CDH18: variants seen among roughly 807,000 people sequenced by gnomAD.
CDH18 encodes the protein cadherin 18.
Under a neutral mutation model 67.9 loss-of-function variants are expected in CDH18, and 31 were observed. The observed-to-expected ratio is 0.46, with a 90% CI of 0.34 to 0.62. CDH18 has a LOEUF of 0.62. CDH18 is among the 20% of genes least tolerant of loss of function. The pLI, the probability that CDH18 is intolerant of heterozygous loss-of-function variation, is 0.01. For synonymous variants in CDH18, 362 were observed against 347.2 expected (o/e 1.04, Z -0.48); for missense variants, 890 against 975.5 (o/e 0.91, Z 1.17).
intron 6 of CDH18, among the ~76,000 whole-genome samples, chr5:19,599,582 T>G (rs1030934342): frequency 1.3e-5 from 2 of 152,084 alleles, no homozygotes; most frequent in African/African-American, 4.8e-5. Context: ...TTCATCTGAT[T>G]TGTGTAGCAG....
intron 1 of CDH18, among the ~76,000 whole-genome samples, chr5:20,334,566 A>G (rs1474768028): frequency 1.3e-5 from 2 of 152,168 alleles, no homozygotes; most frequent in Non-Finnish European, 2.9e-5. Context: ...AGGGAACGAC[A>G]TGAGTCCCAG....
At chr5:20,275,394 A>G (rs921882012) in intron 1 of CDH18, among the ~76,000 whole-genome samples, 5 of 152,028 alleles carry the variant, frequency 3.3e-5, no homozygotes, top group African/African-American at 1.2e-4. Flanking sequence ...CATGACTGTA[A>G]GTTTTCTGAG....
intron 1 of CDH18, among the ~76,000 whole-genome samples, chr5:20,316,049 A>G (rs892994254): frequency 3.9e-5 from 6 of 152,164 alleles, no homozygotes; most frequent in African/African-American, 1.2e-4. Flanking sequence ...AGAAGACAGC[A>G]TTAATCCTGA....
chr5:20,375,559 A>G (rs1231477218), intron 1 of CDH18, among the ~76,000 whole-genome samples: 1 of 152,228 alleles, frequency 6.6e-6, no homozygotes, highest in Non-Finnish European at 1.5e-5. Flanking sequence ...ACATATGTGC[A>G]TAAATATTCT....
At chr5:20,411,566 A>G (rs996493393) in intron 1 of CDH18, among the ~76,000 whole-genome samples, 16 of 152,074 alleles carry the variant, frequency 1.1e-4, no homozygotes, top group Admixed American at 2.0e-4. Flanking sequence ...CATAACACAT[A>G]ACAAAGGTAT....
At position 19,804,024 on chromosome 5, in the gene CDH18, G is replaced by A. The variant is rs372544085; in HGVS notation, c.228+34735C>T. 7.2e-4 allele frequency: 110 copies of A among 152,442 alleles called. No homozygotes were observed. In the East Asian group the frequency reaches 0.02, roughly 28 times the overall value. 9.4% of individuals were successfully genotyped at this position (152,442 alleles called of 1,614,324 possible). On this transcript the variant is annotated intron_variant, in intron 3 of 12. Transcript: ENST00000382275. ...TAGTCCCAGCTACTCCGGAGGCTGA[G>A]GCAGGAGAATGGCGGGAATCCGGGA...
chr5:20,396,420 T>C (rs1235981513), intron 1 of CDH18, among the ~76,000 whole-genome samples: 1 of 126,246 alleles, frequency 7.9e-6, no homozygotes, highest in Admixed American at 7.9e-5. Flanking sequence ...AAAAAAAAAA[T>C]CACTTTCCAC....
At chr5:19,665,996 A>G (rs561931471) in intron 5 of CDH18, among the ~76,000 whole-genome samples, 1 of 152,112 alleles carries the variant, frequency 6.6e-6, no homozygotes, top group East Asian at 1.9e-4. Flanking sequence ...GAGAAAAGTT[A>G]AGTAGAATGT....
intron 4 of CDH18, among the ~76,000 whole-genome samples, chr5:19,741,895 A>G (rs75148742): frequency 9.3e-4 from 142 of 152,274 alleles, no homozygotes; most frequent in East Asian, 2.9e-3. Flanking sequence ...GCTACTAAAC[A>G]TCCTACAAGG....
intron 3 of CDH18, among the ~76,000 whole-genome samples, chr5:19,790,527 C>T (rs755677510): frequency 6.6e-6 from 1 of 151,990 alleles, no homozygotes; most frequent in Non-Finnish European, 1.5e-5. Context: ...TTGGTAAATT[C>T]TATAAAGTAA....
At chr5:20,388,788 G>A (rs1744550657) in intron 1 of CDH18, among the ~76,000 whole-genome samples, 1 of 151,344 alleles carries the variant, frequency 6.6e-6, no homozygotes, top group Admixed American at 6.6e-5. Flanking sequence ...CCTTATTTCT[G>A]CCTTGATTTC....
intron 2 of CDH18, among the ~76,000 whole-genome samples, chr5:20,095,654 A>T (rs911235545): frequency 1.7e-4 from 26 of 150,154 alleles, no homozygotes; most frequent in African/African-American, 5.1e-4. Context: ...TGGCCTGTAA[A>T]TTTTTTTTTT....
intron 2 of CDH18, among the ~76,000 whole-genome samples, chr5:20,229,720 G>A (rs1223264955): frequency 1.3e-5 from 2 of 149,338 alleles, no homozygotes; most frequent in Admixed American, 1.3e-4. Context: ...TTTAATTTTT[G>A]CCTTCTTTTT....
chr5:20,331,021 ATTAG>A (rs1561977992), intron 1 of CDH18, among the ~76,000 whole-genome samples: 1 of 152,226 alleles, frequency 6.6e-6, no homozygotes, highest in Non-Finnish European at 1.5e-5. Flanking sequence ...GAAGTGAAGT[ATTAG>A]TTTCCTAAAG....
At chr5:20,247,268 T>G (rs1743451967) in intron 2 of CDH18, among the ~76,000 whole-genome samples, 2 of 152,212 alleles carry the variant, frequency 1.3e-5, no homozygotes, top group South Asian at 4.1e-4. Flanking sequence ...CTTTCCCTCC[T>G]TAGTTCAATA....
At chr5:19,954,683 C>T (rs562166895) in intron 2 of CDH18, among the ~76,000 whole-genome samples, 4 of 151,918 alleles carry the variant, frequency 2.6e-5, no homozygotes, top group Non-Finnish European at 5.9e-5. Context: ...AAAAAAAATG[C>T]ATACATATTT....
intron 4 of CDH18, among the ~76,000 whole-genome samples, chr5:19,741,965 T>C (rs148792973): frequency 1.3e-5 from 2 of 152,212 alleles, no homozygotes; most frequent in African/African-American, 4.8e-5. Context: ...AGTGGAAAGA[T>C]TGAAAAACTC....
chr5:20,138,482 A>C (rs2126511677), intron 2 of CDH18, among the ~76,000 whole-genome samples: 1 of 152,306 alleles, frequency 6.6e-6, no homozygotes, highest in East Asian at 1.9e-4. Context: ...AGGCAGGAGA[A>C]AGAAATAAAT....
intron 5 of CDH18, among the ~76,000 whole-genome samples, chr5:19,692,726 A>C (rs1226917973): frequency 6.6e-6 from 1 of 151,988 alleles, no homozygotes; most frequent in African/African-American, 2.4e-5. Context: ...AATGGAAAAA[A>C]ATTATAGATT....
Sources: allele counts gnomAD v4.1 joint callset (sites outside exome capture counted in the v4.1 genomes callset), GRCh38; gene constraint gnomAD v4.1.1; transcripts MANE v1.5; gene names NCBI Gene and HGNC (gene_info 2026-07-23, HGNC 2026-07-21).